The following LAMA3 variants were observed in gnomAD, a reference collection of about 807,000 sequenced individuals.
LAMA3 encodes the protein laminin subunit alpha 3, also known as laminin subunit alpha-3.
LAMA3 carries 281 observed loss-of-function variants against 402.0 expected under a neutral mutation model. That is an observed-to-expected ratio of 0.70 (90% CI 0.63 to 0.77). The LOEUF (loss-of-function observed/expected upper bound fraction) is 0.77, where lower values mean the gene tolerates loss of function less well. Ranked by LOEUF, LAMA3 falls within the 30% of genes least tolerant of loss-of-function variation. The pLI is 0.00. For synonymous variants in LAMA3, 1,431 were observed against 1,558.4 expected, an observed-to-expected ratio of 0.92 and a Z score of 1.93; for missense variants, 3,840 against 4,215.5, an observed-to-expected ratio of 0.91 and a Z score of 2.47.
rs1568109215 is a variant in LAMA3 at position 23,717,719 on chromosome 18, A to ATTTTTTTTTTTTTTTTTTTTTTTT, written c.447+3647_447+3648insTTTTTTTTTTTTTTTTTTTTTTTT. Among the ~76,000 whole-genome samples, 2 of 116,806 alleles carry ATTTTTTTTTTTTTTTTTTTTTTTT rather than the reference A, an allele frequency of 1.7e-5. 1 individual carries two copies. The highest frequency in any genetic ancestry group is 1.8e-4 in the Admixed American group (2 of 11,088). 76.6% of individuals were successfully genotyped at this position (116,806 alleles called of 152,430 possible). ...AGGTGCCCACCACCATGCCTGGCTA[A>ATTTTTTTTTTTTTTTTTTTTTTTT]ATTTTTTTTTTTTTTTTTTTTTTTT... is the stretch of plus-strand genomic sequence containing the variant. On this transcript the variant is annotated intron_variant, in intron 2 of 74. Transcript: ENST00000313654.
Position 23,942,580 on chromosome 18 carries a change from CTT to C in LAMA3, c.9027-1191_9027-1190del, listed in dbSNP as rs11293501. 3.0e-3 allele frequency among the ~76,000 whole-genome samples: 405 copies of C among 133,528 alleles called. 1 individual carries two copies. The highest frequency in any genetic ancestry group is 3.8e-3 in the Middle Eastern group (1 of 264). 87.6% of individuals were successfully genotyped at this position (133,528 alleles called of 152,430 possible). On this transcript the variant is annotated intron_variant, in intron 68 of 74. Transcript: ENST00000313654. ...CAAATGAATACTAACTTGCACTCTG[CTT>C]TTTTTTTTTTTTTTTTAGACAGAGC...
intron 47 of LAMA3, 79 bp from the exon 48 acceptor site, chr18:23,901,048 A>C: frequency 1.6e-6 from 2 of 1,285,360 alleles, no homozygotes; most frequent in African/African-American, 1.5e-5. Flanking sequence ...TAGAAACTCG[A>C]TTCTCCCTTT....
rs1568214795 is a variant in LAMA3, at chr18:23,816,448, G to T, written c.2108G>T (p.Cys703Phe). The T allele has an allele frequency of 6.2e-7, 1 of 1,614,038 alleles. No individual in the cohort carries two copies. The highest frequency in any genetic ancestry group is 1.7e-5 in the Admixed American group (1 of 60,018). Residue 703 changes from cysteine to phenylalanine, a missense_variant, in exon 18 of 75, where the codon TGC becomes TTC. This residue lies in a region of LAMA3 where 2,109 missense variants were observed against 2,376.0 expected (regional missense o/e 0.89). Coordinates refer to ENST00000313654, the MANE Select transcript of LAMA3 (RefSeq NM_198129.4). ...ATGTGCAGTGGGCCCTCGGGAGTGT[G>T]CCAGTGCCGAGAGCATGTCGTGGGA... ...SSMCSGPSGVCQCREHVVGKV... is the reference protein window; with the variant it reads ...SSMCSGPSGVFQCREHVVGKV...
At chr18:23,701,217 T>C (rs1358521111) in intron 1 of LAMA3, among the ~76,000 whole-genome samples, 1 of 152,196 alleles carries the variant, frequency 6.6e-6, no homozygotes, top group Non-Finnish European at 1.5e-5. Flanking sequence ...TCCTCTCTGA[T>C]TTGGCCATGA....
intron 1 of LAMA3, among the ~76,000 whole-genome samples, chr18:23,691,158 T>C (rs2060581157): frequency 2.6e-5 from 4 of 151,988 alleles, no homozygotes; most frequent in South Asian, 4.1e-4. Flanking sequence ...AAGGTTATCA[T>C]TGGGTGTCTA....
In LAMA3 at chr18:23,830,533, T is replaced by C. The variant is rs1173830017; in HGVS notation, c.2823+3066T>C. Reference sequence around the variant, plus strand: ...GTGGATATGTTTCAGTCCTCATCGGTTTAACTTCTCGGCAGCTTTCGATGC... The same window carrying C: ...GTGGATATGTTTCAGTCCTCATCGGCTTAACTTCTCGGCAGCTTTCGATGC... On this transcript the variant is annotated intron_variant, in intron 23 of 74. Transcript: ENST00000313654. 2.0e-5 allele frequency among the ~76,000 whole-genome samples: 3 copies of C among 152,202 alleles called. No individual in the cohort carries two copies. The East Asian group carries it at 5.8e-4, about 29-fold the overall frequency.
rs1196864621 is a variant in LAMA3 at position 23,826,816 on chromosome 18, A to G, written c.2669+17A>G. 2 of 1,499,376 alleles carry G rather than the reference A, an allele frequency of 1.3e-6. No homozygotes were observed. Among genetic ancestry groups the G allele is most frequent in the Non-Finnish European group, 1.8e-6 (2 of 1,097,936 alleles). 92.9% of individuals were successfully genotyped at this position (1,499,376 alleles called of 1,614,324 possible). A position where few individuals can be genotyped will look rare whatever the true frequency, so the allele number is the denominator to read the frequency against. ...CCAAGAAAAGTCAGTGTGGGGCAGA[A>G]GGTGCAGCCGCATCATTGGGGTCCT... is the stretch of plus-strand genomic sequence containing the variant. On this transcript the variant is annotated intron_variant, in intron 22 of 74. Transcript: ENST00000313654.
At chr18:23,840,013 A>C (rs2063663537) in intron 27 of LAMA3, 84 bp downstream of exon 27, 1 of 1,454,510 alleles carries the variant, frequency 6.9e-7, no homozygotes. Context: ...ACTTGTCAGC[A>C]ATGCAGATTC....
At chr18:23,828,490 T>A (rs2063428799) in intron 23 of LAMA3, among the ~76,000 whole-genome samples, 1 of 152,200 alleles carries the variant, frequency 6.6e-6, no homozygotes, top group Non-Finnish European at 1.5e-5. Context: ...GCTATGTGTG[T>A]ATACACACAT....
chr18:23,706,023 C>A (rs138729533), intron 1 of LAMA3, among the ~76,000 whole-genome samples: 1 of 151,934 alleles, frequency 6.6e-6, no homozygotes, highest in Non-Finnish European at 1.5e-5. Flanking sequence ...GTACGTATTT[C>A]GAAAAAGTAG....
intron 8 of LAMA3, among the ~76,000 whole-genome samples, chr18:23,767,205 C>T (rs1174212170): frequency 6.6e-6 from 1 of 152,104 alleles, no homozygotes; most frequent in Non-Finnish European, 1.5e-5. Context: ...AAAATACTGA[C>T]TGAAAGAAAT....
At position 23,909,137 on chromosome 18, in the gene LAMA3, T is replaced by C. The variant is rs756501473; in HGVS notation, c.7016-16T>C. On this transcript the variant is annotated splice_polypyrimidine_tract_variant and intron_variant, in intron 54 of 74. Coordinates refer to ENST00000313654, the MANE Select transcript of LAMA3 (RefSeq NM_198129.4). Reference sequence around the variant, plus strand: ...AATGCACAATCTTACATTTCTATTTTTTTTCTCACCAACAGTGAATAAGTT... The same window carrying C: ...AATGCACAATCTTACATTTCTATTTCTTTTCTCACCAACAGTGAATAAGTT... 1.2e-6 allele frequency: 2 copies of C among 1,612,366 alleles called. No homozygotes were observed. Among genetic ancestry groups the C allele is most frequent in the East Asian group, 4.5e-5 (2 of 44,872 alleles).
chr18:23,825,651 TAA>T (rs200251627), intron 21 of LAMA3, among the ~76,000 whole-genome samples: 1 of 144,870 alleles, frequency 6.9e-6, no homozygotes, highest in African/African-American at 2.5e-5. Context: ...CTTTATTGCT[TAA>T]AAAAAAAAAA....
intron 2 of LAMA3, among the ~76,000 whole-genome samples, chr18:23,718,340 G>C (rs1477831022): frequency 6.6e-6 from 1 of 152,152 alleles, no homozygotes; most frequent in Non-Finnish European, 1.5e-5. Flanking sequence ...AGGTGGGTGC[G>C]GAGGGAGTTC....
intron 4 of LAMA3, 29 bp from the exon 5 acceptor site, chr18:23,750,888 TC>T (rs2061737766): frequency 5.0e-6 from 8 of 1,613,538 alleles, no homozygotes; most frequent in Admixed American, 1.7e-5. Context: ...AGGAACTTTT[TC>T]CCCCTTTATG....
Position 23,847,500 on chromosome 18 carries a change from CG to C in LAMA3, c.3972del (p.Gln1325SerfsTer106), listed in dbSNP as rs747355586. On this transcript the variant is annotated frameshift_variant, in exon 32 of 75. Coordinates refer to ENST00000313654, the MANE Select transcript of LAMA3 (RefSeq NM_198129.4). LOFTEE classifies it high-confidence loss of function. The stretch of plus-strand genomic sequence containing the variant: ...GGTCGGCGCCTTTGTGAAGAGATGA[CG>C]GGGCAGTGCCGCTGCCCTCCCCGCA... ...SCGRRLCEEM[T>X]GQCRCPPRTV... 158 of 1,613,522 alleles carry C rather than the reference CG, an allele frequency of 9.8e-5. No individual in the cohort carries two copies. The highest frequency in any genetic ancestry group is 1.3e-4 in the Non-Finnish European group (153 of 1,180,052).
At chr18:23,700,792 G>A (rs553292688) in intron 1 of LAMA3, among the ~76,000 whole-genome samples, 2 of 152,164 alleles carry the variant, frequency 1.3e-5, no homozygotes, top group Middle Eastern at 3.4e-3. Flanking sequence ...CTACCTCCTG[G>A]GCTCAGGTGA....
chr18:23,843,126 G>A (rs531401651), intron 29 of LAMA3, among the ~76,000 whole-genome samples: 1 of 152,154 alleles, frequency 6.6e-6, no homozygotes, highest in East Asian at 1.9e-4. Flanking sequence ...GTCACTGTGT[G>A]TTGGCGTTCC....
intron 2 of LAMA3, among the ~76,000 whole-genome samples, chr18:23,746,108 A>G (rs937775681): frequency 2.6e-5 from 4 of 152,176 alleles, no homozygotes; most frequent in African/African-American, 9.7e-5. Context: ...ATAATTCCTA[A>G]TTAGTTTTTA....
Sources: allele counts gnomAD v4.1 joint callset (sites outside exome capture counted in the v4.1 genomes callset), GRCh38; gene constraint gnomAD v4.1.1; regional missense constraint gnomAD v4.1.1; transcripts MANE v1.5; gene names NCBI Gene and HGNC (gene_info 2026-07-23, HGNC 2026-07-21).